SCN3A: variants seen among roughly 807,000 people sequenced by gnomAD.
SCN3A encodes sodium channel protein type 3 subunit alpha.
A neutral mutation model predicts 187.6 loss-of-function variants in SCN3A; 60 were observed. The observed-to-expected ratio is 0.32, with a 90% CI of 0.26 to 0.40. SCN3A has a LOEUF of 0.40. Ranked by LOEUF, SCN3A falls within the 10% of genes least tolerant of loss-of-function variation. The pLI is 1.00. For missense variants in SCN3A, 1,601 were observed against 2,428.2 expected (o/e 0.66, Z 7.16); for synonymous variants, 788 against 829.2 (o/e 0.95, Z 0.85).
intron 21 of SCN3A, among the ~76,000 whole-genome samples, chr2:165,104,749 A>C (rs1685766609): frequency 6.6e-6 from 1 of 152,148 alleles, no homozygotes; most frequent in South Asian, 2.1e-4. Context: ...AAATTTCCTT[A>C]ATATAAAAAG....
chr2:165,131,440 ACTT>A, intron 15 of SCN3A, 23 bp from the exon 16 acceptor site: 1 of 1,568,124 alleles, frequency 6.4e-7, no homozygotes, highest in Non-Finnish European at 8.7e-7. Flanking sequence ...GATCAGCACT[ACTT>A]CAAGAGCACT....
chr2:165,176,470 G>A, intron 2 of SCN3A, 26 bp from the exon 3 acceptor site: 2 of 1,584,934 alleles, frequency 1.3e-6, no homozygotes, highest in South Asian at 1.1e-5. Context: ...AATTGCACAA[G>A]AGTTAGGAAA....
intron 18 of SCN3A, among the ~76,000 whole-genome samples, chr2:165,122,404 A>G (rs1388252030): frequency 2.6e-5 from 4 of 151,956 alleles, no homozygotes; most frequent in Non-Finnish European, 4.4e-5. Context: ...TTATTTTGGT[A>G]ATACAATTTA....
chr2:165,177,863 A>G (rs1690566185), intron 2 of SCN3A, among the ~76,000 whole-genome samples: 1 of 152,228 alleles, frequency 6.6e-6, no homozygotes, highest in Non-Finnish European at 1.5e-5. Context: ...TAGATAGAAT[A>G]TAGAAACAAT....
intron 9 of SCN3A, among the ~76,000 whole-genome samples, chr2:165,156,980 G>C (rs1485752580): frequency 6.6e-6 from 1 of 151,688 alleles, no homozygotes; most frequent in Non-Finnish European, 1.5e-5. Flanking sequence ...GTGCAATCTC[G>C]GCTCAATGCA....
chr2:165,113,683 T>C (rs1478608439), intron 20 of SCN3A, 133 bp downstream of exon 20: 2 of 949,960 alleles, frequency 2.1e-6, no homozygotes, highest in Non-Finnish European at 3.3e-6. Context: ...TCGTTAAACC[T>C]TGGGTGCCAA....
chr2:165,191,245 C>G (rs1691592733), intron 1 of SCN3A, among the ~76,000 whole-genome samples: 1 of 151,938 alleles, frequency 6.6e-6, no homozygotes. Context: ...TACACAGAAG[C>G]CTGCAATTGC....
intron 14 of SCN3A, among the ~76,000 whole-genome samples, chr2:165,138,545 TCTCTC>T (rs1687806871): frequency 6.6e-6 from 1 of 152,204 alleles, no homozygotes; most frequent in African/African-American, 2.4e-5. Flanking sequence ...TATGAACTAT[TCTCTC>T]CTCTCATAGT....
intron 24 of SCN3A, among the ~76,000 whole-genome samples, chr2:165,095,928 A>G (rs1009245554): frequency 1.3e-5 from 2 of 152,186 alleles, no homozygotes; most frequent in African/African-American, 4.8e-5. Context: ...TTTTGAGCCT[A>G]TTATTAGTCA....
In SCN3A at chr2:165,089,763, T is replaced by C. The variant is rs774579270; in HGVS notation, c.*387A>G. 1 of 187,444 alleles carries C rather than the reference T, an allele frequency of 5.3e-6. No homozygotes were observed. Among genetic ancestry groups the C allele is most frequent in the Non-Finnish European group, 1.1e-5 (1 of 89,190 alleles). The allele number at this position is 187,444 out of a possible 1,614,324, so 11.6% of individuals were successfully genotyped here. On this transcript the variant is annotated 3_prime_UTR_variant, in exon 28 of 28. Transcript: ENST00000283254. The stretch of plus-strand genomic sequence containing the variant: ...TGAATAAACTATGAATTGGGGACCA[T>C]GGAAATGCACTAGAACAAATTTTGT...
chr2:165,130,448 T>A (rs1687245223), intron 16 of SCN3A, 152 bp from the exon 17 acceptor site: 4 of 758,140 alleles, frequency 5.3e-6, no homozygotes, highest in Non-Finnish European at 8.7e-6. Flanking sequence ...GAAAAAATAG[T>A]GTTAACAATA....
intron 2 of SCN3A, among the ~76,000 whole-genome samples, chr2:165,178,261 C>T (rs1229249428): frequency 2.6e-5 from 4 of 152,030 alleles, no homozygotes; most frequent in African/African-American, 4.8e-5. Flanking sequence ...GGGTCTCACT[C>T]TGTCACCCAG....
chr2:165,146,212 A>G (rs1019219400), intron 12 of SCN3A, among the ~76,000 whole-genome samples: 3 of 152,000 alleles, frequency 2.0e-5, no homozygotes, highest in African/African-American at 7.2e-5. Context: ...CCCAAAGAAC[A>G]CTTCTTTTCA....
chr2:165,100,326 G>A lies in SCN3A; in HGVS notation c.3942C>T (p.Ala1314=). 2.5e-6 allele frequency: 4 copies of A among 1,613,786 alleles called. No homozygotes were observed. The highest frequency in any genetic ancestry group is 3.4e-6 in the Non-Finnish European group (4 of 1,179,828). ...CCCTCATGCCTTCAAACCGGGATAA[G>A]GCTCTTAGAGGTCTTAAAGCTCTTA... The part of the protein sequence containing the change: ...RTLRALRPLR[A]LSRFEGMRVV... The change falls in exon 22 of 28, where the codon GCC becomes GCT. Residue 1314 remains alanine (A), a synonymous_variant. Transcript: ENST00000283254.
intron 12 of SCN3A, among the ~76,000 whole-genome samples, chr2:165,141,286 A>G (rs1344154677): frequency 6.6e-6 from 1 of 152,180 alleles, no homozygotes; most frequent in Non-Finnish European, 1.5e-5. Context: ...TCATAATGCT[A>G]TAGGTTAGGG....
intron 22 of SCN3A, among the ~76,000 whole-genome samples, chr2:165,098,253 T>C (rs1574103212): frequency 1.3e-5 from 2 of 152,246 alleles, no homozygotes; most frequent in African/African-American, 4.8e-5. Context: ...TCAGAAGATA[T>C]TAAGATGTAT....
chr2:165,139,458 C>T lies in SCN3A; in HGVS notation c.2152+18G>A. ...ACATAATCACAGAAAGTTGGCTGTT[C>T]CATGACCTGCTTCTTACCTTCCATT... On this transcript the variant is annotated intron_variant, in intron 14 of 27. Coordinates refer to ENST00000283254, the MANE Select transcript of SCN3A (RefSeq NM_006922.4). 1 of 1,613,720 alleles carries T rather than the reference C, an allele frequency of 6.2e-7. No homozygotes were observed. Among genetic ancestry groups the T allele is most frequent in the East Asian group, 2.2e-5 (1 of 44,872 alleles).
intron 12 of SCN3A, among the ~76,000 whole-genome samples, chr2:165,143,536 A>G (rs1688142722): frequency 6.6e-6 from 1 of 152,200 alleles, no homozygotes; most frequent in Non-Finnish European, 1.5e-5. Flanking sequence ...AGACGGAAAA[A>G]GAAGATAACA....
intron 3 of SCN3A, among the ~76,000 whole-genome samples, chr2:165,174,463 T>A (rs1227479367): frequency 6.6e-6 from 1 of 152,194 alleles, no homozygotes; most frequent in East Asian, 1.9e-4. Context: ...GAAAATGCTT[T>A]CAGTGCTACT....
Sources: gnomAD v4.1 joint callset for allele counts (sites outside exome capture counted in the v4.1 genomes callset) on GRCh38, gnomAD v4.1.1 for gene constraint, MANE v1.5 for transcripts, NCBI Gene and HGNC (gene_info 2026-07-23, HGNC 2026-07-21) for gene names.